The following P2RX2 variants were observed in gnomAD, a reference collection of about 807,000 sequenced individuals.
The protein encoded by P2RX2 is purinergic receptor P2X 2.
In P2RX2, 50 loss-of-function variants were observed where a neutral mutation model predicts 54.8. The ratio of observed to expected loss-of-function variants is 0.91; its 90% CI spans 0.73 to 1.15. P2RX2 has a LOEUF of 1.15. P2RX2 is among the 50% of genes most tolerant of loss of function. P2RX2 has a pLI of 0.00. For synonymous variants in P2RX2, 289 were observed against 259.4 expected, an observed-to-expected ratio of 1.11 and a Z score of -1.09; for missense variants, 658 against 633.2, an observed-to-expected ratio of 1.04 and a Z score of -0.42.
At chr12:132,619,639 G>A (rs779531228) in intron 2 of P2RX2, 40 bp from the exon 3 acceptor site, 4 of 1,583,994 alleles carry the variant, frequency 2.5e-6, no homozygotes, top group African/African-American at 1.4e-5. Context: ...AGGGGGCAGC[G>A]GCTGCCGCCT....
intron 7 of P2RX2, 91 bp downstream of exon 7, chr12:132,620,674 C>A: frequency 7.2e-7 from 1 of 1,386,968 alleles, no homozygotes; most frequent in Non-Finnish European, 9.9e-7. Context: ...CTCCTCCCTC[C>A]TGACCAGCTG....
Position 132,620,359 on chromosome 12 carries a change from G to A in P2RX2, c.635+12G>A, listed in dbSNP as rs747629916. The A allele has an allele frequency of 1.3e-5, 21 of 1,613,880 alleles. No individual in the cohort carries two copies. Among genetic ancestry groups the A allele is most frequent in the Non-Finnish European group, 1.6e-5 (19 of 1,179,736 alleles). ...TTCCACTTCTCCAAGTAAGAGCCGC[G>A]GGGTGTGGTGACGGCCCAGCCTGAG... On this transcript the variant is annotated intron_variant, in intron 6 of 10. Coordinates refer to ENST00000643471, the MANE Select transcript of P2RX2 (RefSeq NM_170682.4).
chr12:132,619,030 CA>C, intron 1 of P2RX2, 41 bp downstream of exon 1: 3 of 1,015,202 alleles, frequency 3.0e-6, no homozygotes, highest in Non-Finnish European at 3.6e-6. Flanking sequence ...GTGCGGGGCG[CA>C]GGGGAGGGGC....
intron 4 of P2RX2, 27 bp downstream of exon 4, chr12:132,619,946 C>A: frequency 1.4e-6 from 1 of 695,980 alleles, no homozygotes; most frequent in East Asian, 3.5e-5. Flanking sequence ...TGGGGCTGGG[C>A]GGGTGGGGCA....
chr12:132,618,859 C>T lies in P2RX2; in HGVS notation c.43C>T (p.Arg15Trp). 5 of 1,370,340 alleles carry T rather than the reference C, an allele frequency of 3.6e-6. No individual in the cohort carries two copies. The South Asian group carries it at 5.9e-5, about 16-fold the overall frequency. The allele number at this position is 1,370,340 out of a possible 1,614,324, so 84.9% of individuals were successfully genotyped here. ...CAAGTACCCCGCCGGGGCGACCGCC[C>T]GGCGCCTGGCCCGGGGCTGCTGGTC... ...QPKYPAGATA[R>W]RLARGCWSAL... Residue 15 changes from arginine to tryptophan, a missense_variant, in exon 1 of 11, where the codon CGG becomes TGG. By Grantham distance (101) the Arg-to-Trp change is moderately radical (BLOSUM62 -3). Transcript: ENST00000643471.
intron 5 of P2RX2, 51 bp from the exon 6 acceptor site, chr12:132,620,216 C>T (rs755037490): frequency 5.2e-6 from 8 of 1,553,062 alleles, no homozygotes. Context: ...CAATGCCAGG[C>T]GGGGGCTTTG....
chr12:132,621,175 G>T, intron 8 of P2RX2, 44 bp downstream of exon 8: 1 of 1,614,028 alleles, frequency 6.2e-7, no homozygotes, highest in Non-Finnish European at 8.5e-7. Context: ...CATAGCTGTG[G>T]TGGGGTCCCG....
In P2RX2 at chr12:132,618,792, C is replaced by T. The variant is rs1338285752; in HGVS notation, c.-25C>T. ...CCGACCCTCAGCCCTGCAGCGCCTT[C>T]CTGGAGGTGGGGGCCGCCCGCGCCA... On this transcript the variant is annotated 5_prime_UTR_variant, in exon 1 of 11. Coordinates refer to ENST00000643471, the MANE Select transcript of P2RX2 (RefSeq NM_170682.4). 10 of 1,215,982 alleles carry T rather than the reference C, an allele frequency of 8.2e-6. No individual in the cohort carries two copies. The Admixed American group carries it at 4.5e-4, about 54-fold the overall frequency. 75.3% of individuals were successfully genotyped at this position (1,215,982 alleles called of 1,614,324 possible).
chr12:132,619,980 C>G lies in P2RX2; in HGVS notation c.458-20C>G. ...CAGGGCTGCGTCCCCGCTAATGCCT[C>G]AGTGACCTCTGCCTCCCAGGCCTGA... is the stretch of plus-strand genomic sequence containing the variant. On this transcript the variant is annotated intron_variant, in intron 4 of 10. Transcript: ENST00000643471. 1 of 1,578,742 alleles carries G rather than the reference C, an allele frequency of 6.3e-7. No homozygotes were observed. Among genetic ancestry groups the G allele is most frequent in the Non-Finnish European group, 8.6e-7 (1 of 1,163,652 alleles).
In P2RX2 at chr12:132,622,003, C is replaced by T. The variant is rs55716322; in HGVS notation, c.*31C>T. 75,069 of 1,612,328 alleles carry T rather than the reference C, an allele frequency of 0.047. 2,686 individuals are homozygous for T. The highest frequency in any genetic ancestry group is 0.16 in the Admixed American group (9,779 of 59,860). On this transcript the variant is annotated 3_prime_UTR_variant, in exon 11 of 11. Coordinates refer to ENST00000643471, the MANE Select transcript of P2RX2 (RefSeq NM_170682.4). Reference sequence around the variant, plus strand: ...TTTCCATCTCACTGGACTGCAGACCCGGCCTGGTGGGGCCAGAGAGTCCCC... The same window carrying T: ...TTTCCATCTCACTGGACTGCAGACCTGGCCTGGTGGGGCCAGAGAGTCCCC...
Position 132,619,526 on chromosome 12 carries a change from G to A in P2RX2, c.261G>A (p.Thr87=), listed in dbSNP as rs992766221. The A allele has an allele frequency of 2.5e-6, 4 of 1,612,496 alleles. No homozygotes were observed. Among genetic ancestry groups the A allele is most frequent in the East Asian group, 2.2e-5 (1 of 44,824 alleles). Residue 87 remains threonine (T), a synonymous_variant, in exon 2 of 11, where the codon ACG becomes ACA. Transcript: ENST00000643471. ...TCACCAAGGTCAAGGGGATCACCAC[G>A]TCCGAGCACAAAGTGTGGGACGTGG... is the stretch of plus-strand genomic sequence containing the variant. ...SIITKVKGIT[T]SEHKVWDVEE...
intron 6 of P2RX2, 39 bp downstream of exon 6, chr12:132,620,386 G>A: frequency 6.2e-7 from 1 of 1,613,930 alleles, no homozygotes; most frequent in Non-Finnish European, 8.5e-7. Context: ...CAGCCTGAGG[G>A]CTGCCTTCTG....
rs2041524957 is a variant in P2RX2 at position 132,619,224 on chromosome 12, C to CTTGGG, written c.174-215_174-214insTTGGG. On this transcript the variant is annotated intron_variant, in intron 1 of 10. Coordinates refer to ENST00000643471, the MANE Select transcript of P2RX2 (RefSeq NM_170682.4). ...GGGACTCGGGGTGCTGGGCTGGAGG[C>CTTGGG]GCGGGGCTGGGGCTGGGACCAGGGG... is the stretch of plus-strand genomic sequence containing the variant. Among the ~76,000 whole-genome samples the CTTGGG allele has an allele frequency of 1.5e-4, 6 of 40,662 alleles. No individual in the cohort carries two copies. In the Admixed American group the frequency reaches 1.7e-3, roughly 11 times the overall value. The allele number at this position is 40,662 out of a possible 152,430, so 26.7% of individuals were successfully genotyped here.
intron 7 of P2RX2, among the ~76,000 whole-genome samples, 179 bp downstream of exon 7, chr12:132,620,762 G>A (rs2041631320): frequency 6.6e-6 from 1 of 152,202 alleles, no homozygotes; most frequent in African/African-American, 2.4e-5. Context: ...ATTGACACTG[G>A]CCATGGGGCT....
rs760619078 is a variant in P2RX2, at chr12:132,621,148, A to G, written c.905+17A>G. ...CAACTTCAGGTGCTGTACTTGGGAC[A>G]CCGCTGTCCACACTGGCATAGCTGT... On this transcript the variant is annotated intron_variant, in intron 8 of 10. Coordinates refer to ENST00000643471, the MANE Select transcript of P2RX2 (RefSeq NM_170682.4). The G allele has an allele frequency of 8.7e-6, 14 of 1,613,918 alleles. No homozygotes were observed. The East Asian group carries it at 2.5e-4, about 28-fold the overall frequency.
Position 132,620,329 on chromosome 12 carries a change from C to A in P2RX2, c.617C>A (p.Pro206His). The A allele has an allele frequency of 6.2e-7, 1 of 1,614,102 alleles. No homozygotes were observed. Among genetic ancestry groups the A allele is most frequent in the Non-Finnish European group, 8.5e-7 (1 of 1,179,936 alleles). The change falls in exon 6 of 11, where the codon CCC (proline) becomes CAC (histidine). Residue 206 changes from proline to histidine, a missense_variant. Physicochemically the swap from Pro to His is moderately conservative, Grantham distance 77. Coordinates refer to ENST00000643471, the MANE Select transcript of P2RX2 (RefSeq NM_170682.4). ...TILIKNSIHY[P>H]KFHFSKGNIA... Reference sequence around the variant, plus strand: ...CTCATCAAGAACAGCATCCACTACCCCAAATTCCACTTCTCCAAGTAAGAG... The same window carrying A: ...CTCATCAAGAACAGCATCCACTACCACAAATTCCACTTCTCCAAGTAAGAG...
rs776004604 is a variant in P2RX2, at chr12:132,619,584, GC to G, written c.309+15del. On this transcript the variant is annotated intron_variant, in intron 2 of 10. Transcript: ENST00000643471. ...CGTGAAGCCCCCCGAGGTGCGGGCC[GC>G]CCCCTGCCCCCCGCCCCGCCGTGCA... The G allele has an allele frequency of 1.9e-6, 3 of 1,602,914 alleles. No individual in the cohort carries two copies. The highest frequency in any genetic ancestry group is 2.6e-6 in the Non-Finnish European group (3 of 1,172,726).
intron 3 of P2RX2, 32 bp from the exon 4 acceptor site, chr12:132,619,812 C>T (rs761656973): frequency 6.2e-7 from 1 of 1,609,928 alleles, no homozygotes; most frequent in Non-Finnish European, 8.5e-7. Flanking sequence ...CTGTCCCTTG[C>T]GGGGTCCCTG....
rs1056032933 is a variant in P2RX2, at chr12:132,622,196, G to A, written c.*224G>A. The A allele has an allele frequency of 2.1e-6, 3 of 1,416,618 alleles. No homozygotes were observed. The highest frequency in any genetic ancestry group is 3.1e-5 in the Admixed American group (1 of 32,520). 87.8% of individuals were successfully genotyped at this position (1,416,618 alleles called of 1,614,324 possible). On this transcript the variant is annotated 3_prime_UTR_variant, in exon 11 of 11. Coordinates refer to ENST00000643471, the MANE Select transcript of P2RX2 (RefSeq NM_170682.4). ...CCTCCTCCCCAGCTGGTCCCTACAG[G>A]GCTGCTCACTTCCCATCACCTCTCA...
Sources: gnomAD v4.1 joint callset for allele counts (sites outside exome capture counted in the v4.1 genomes callset) on GRCh38, gnomAD v4.1.1 for gene constraint, MANE v1.5 for transcripts, NCBI Gene and HGNC (gene_info 2026-07-23, HGNC 2026-07-21) for gene names.